ST8SIA4: variants seen among roughly 807,000 people sequenced by gnomAD.
ST8SIA4 encodes ST8 alpha-N-acetyl-neuraminide alpha-2,8-sialyltransferase 4, also known as CMP-N-acetylneuraminate-poly-alpha-2,8-sialyltransferase.
A neutral mutation model predicts 33.9 loss-of-function variants in ST8SIA4; 15 were observed. The observed-to-expected ratio is 0.44, with a 90% CI of 0.30 to 0.68. The LOEUF (loss-of-function observed/expected upper bound fraction) is 0.68, where lower values mean the gene tolerates loss of function less well. Among genes scored for constraint, ST8SIA4 ranks in the 30% least tolerant of loss-of-function variants. The pLI, the probability that ST8SIA4 is intolerant of heterozygous loss-of-function variation, is 0.10. For synonymous variants in ST8SIA4, 171 were observed against 151.2 expected (o/e 1.13, Z -0.96); for missense variants, 321 against 428.0 (o/e 0.75, Z 2.21).
At position 100,886,471 on chromosome 5, in the gene ST8SIA4, A is replaced by T. The variant is rs765331312; in HGVS notation, c.375T>A (p.His125Gln). ...TTGGTGAAACTTCAGGTAGGAGGCT[A>T]TGTAGATCATGAGAAATGTTTAGTG... is the stretch of plus-strand genomic sequence containing the variant. ...RRTLNISHDL[H>Q]SLLPEVSPMK... The change falls in exon 3 of 5, where the codon CAT becomes CAA. Residue 125 changes from histidine to glutamine, a missense_variant. Coordinates refer to ENST00000231461, the MANE Select transcript of ST8SIA4 (RefSeq NM_005668.6). 6.2e-7 allele frequency: 1 copy of T among 1,613,956 alleles called. No homozygotes were observed. The highest frequency in any genetic ancestry group is 8.5e-7 in the Non-Finnish European group (1 of 1,179,844).
chr5:100,902,152 C>G (rs1364748298), intron 1 of ST8SIA4, among the ~76,000 whole-genome samples: 1 of 152,134 alleles, frequency 6.6e-6, no homozygotes, highest in East Asian at 1.9e-4. Context: ...ATTTAGAGAA[C>G]TTAGTGGGGC....
At chr5:100,900,704 G>A (rs959232636) in intron 1 of ST8SIA4, among the ~76,000 whole-genome samples, 2 of 138,398 alleles carry the variant, frequency 1.4e-5, no homozygotes, top group Admixed American at 1.8e-4. Flanking sequence ...GTAATTGCGG[G>A]TTTTGATTAA....
At chr5:100,833,168 T>C (rs1751295738) in intron 4 of ST8SIA4, among the ~76,000 whole-genome samples, 11 of 152,142 alleles carry the variant, frequency 7.2e-5, no homozygotes, top group Admixed American at 7.2e-4. Flanking sequence ...AATTGTGAAC[T>C]CTTTCAGGGA....
At chr5:100,865,990 A>G (rs893404451) in intron 3 of ST8SIA4, among the ~76,000 whole-genome samples, 6 of 152,172 alleles carry the variant, frequency 3.9e-5, no homozygotes, top group African/African-American at 1.2e-4. Flanking sequence ...AGTGTTCTGG[A>G]ATGTCAGTCT....
At position 100,892,742 on chromosome 5, in the gene ST8SIA4, G is replaced by T. The variant is rs116178457; in HGVS notation, c.245+2912C>A. Among the ~76,000 whole-genome samples the T allele has an allele frequency of 2.6e-3, 400 of 152,088 alleles. 1 individual carries two copies. The highest frequency in any genetic ancestry group is 5.0e-3 in the Non-Finnish European group (338 of 67,956). ...AATCAGTAAGATAAAAAAATGGTTG[G>T]AAATAATGTCTTAATGTTCTCAATC... is the stretch of plus-strand genomic sequence containing the variant. On this transcript the variant is annotated intron_variant, in intron 2 of 4. Coordinates refer to ENST00000231461, the MANE Select transcript of ST8SIA4 (RefSeq NM_005668.6).
intron 1 of ST8SIA4, among the ~76,000 whole-genome samples, chr5:100,896,885 C>A (rs1752790742): frequency 6.6e-6 from 1 of 152,054 alleles, no homozygotes; most frequent in South Asian, 2.1e-4. Context: ...TGTTTTGAAG[C>A]AAGAATAACT....
At chr5:100,865,345 C>CA (rs1274934194) in intron 3 of ST8SIA4, among the ~76,000 whole-genome samples, 2 of 151,840 alleles carry the variant, frequency 1.3e-5, no homozygotes, top group Non-Finnish European at 2.9e-5. Flanking sequence ...TTTAAAAAGG[C>CA]AAAAAAATAG....
At chr5:100,817,083 C>T (rs1434253113) in intron 4 of ST8SIA4, among the ~76,000 whole-genome samples, 1 of 143,340 alleles carries the variant, frequency 7.0e-6, no homozygotes, top group Non-Finnish European at 1.5e-5. Flanking sequence ...GCTGGGATTA[C>T]AGGCGCCCAC....
chr5:100,887,350 G>C (rs1270684683), intron 2 of ST8SIA4, among the ~76,000 whole-genome samples: 1 of 152,020 alleles, frequency 6.6e-6, no homozygotes, highest in African/African-American at 2.4e-5. Context: ...TGCTCAGCTA[G>C]AATATTTGCA....
At chr5:100,895,614 C>T (rs1439057975) in intron 2 of ST8SIA4, 40 bp downstream of exon 2, 1 of 1,585,326 alleles carries the variant, frequency 6.3e-7, no homozygotes, top group Non-Finnish European at 8.6e-7. Context: ...TATTTGAGAA[C>T]ATGATGTGAA....
At chr5:100,858,082 C>T (rs1488907443) in intron 3 of ST8SIA4, among the ~76,000 whole-genome samples, 2 of 151,946 alleles carry the variant, frequency 1.3e-5, no homozygotes, top group African/African-American at 4.8e-5. Context: ...AAAGTGAACA[C>T]CTTCTTGTGG....
rs188353589 is a variant in ST8SIA4 at position 100,853,794 on chromosome 5, A to G, written c.797+2309T>C. The stretch of plus-strand genomic sequence containing the variant: ...TTACTGAAAATGCACTACTGCAGTC[A>G]CTCCTCTTATTTCATGCTTTGGTTT... On this transcript the variant is annotated intron_variant, in intron 4 of 4. Transcript: ENST00000231461. 1.9e-3 allele frequency among the ~76,000 whole-genome samples: 284 copies of G among 152,236 alleles called. 1 individual carries two copies. Among genetic ancestry groups the G allele is most frequent in the Middle Eastern group, 6.8e-3 (2 of 294 alleles).
intron 3 of ST8SIA4, among the ~76,000 whole-genome samples, chr5:100,883,498 CT>C (rs1321548083): frequency 2.0e-5 from 3 of 152,106 alleles, no homozygotes; most frequent in Non-Finnish European, 4.4e-5. Flanking sequence ...TGAGTCAAGA[CT>C]TTGGGGGACT....
chr5:100,839,058 C>T (rs1751420444), intron 4 of ST8SIA4, among the ~76,000 whole-genome samples: 2 of 151,772 alleles, frequency 1.3e-5, no homozygotes, highest in South Asian at 4.1e-4. Context: ...AAACTCCTGG[C>T]CTCAAGCAAT....
chr5:100,857,045 C>G (rs992729627), intron 3 of ST8SIA4, among the ~76,000 whole-genome samples: 1 of 152,074 alleles, frequency 6.6e-6, no homozygotes, highest in Non-Finnish European at 1.5e-5. Context: ...AAAGCTCTTA[C>G]TATAAGATCA....
chr5:100,869,055 G>A (rs778820229), intron 3 of ST8SIA4, among the ~76,000 whole-genome samples: 2 of 152,004 alleles, frequency 1.3e-5, no homozygotes, highest in Non-Finnish European at 2.9e-5. Context: ...TTTGGACACC[G>A]TTAGTGTATC....
At chr5:100,874,510 T>A (rs1045415480) in intron 3 of ST8SIA4, among the ~76,000 whole-genome samples, 37 of 152,096 alleles carry the variant, frequency 2.4e-4, no homozygotes, top group Admixed American at 2.0e-3. Context: ...TCTCTGTGCC[T>A]TTTCCTCTCT....
At chr5:100,857,684 A>G (rs1387892741) in intron 3 of ST8SIA4, among the ~76,000 whole-genome samples, 2 of 152,046 alleles carry the variant, frequency 1.3e-5, no homozygotes, top group African/African-American at 4.8e-5. Flanking sequence ...TTAATTAAAA[A>G]GTAAAGTATG....
In ST8SIA4 at chr5:100,886,530, C is replaced by A; in HGVS notation, c.316G>T (p.Asp106Tyr). The change falls in exon 3 of 5, where the codon GAT becomes TAT. Residue 106 changes from aspartate (D) to tyrosine (Y), a missense_variant. Asp to Tyr is a radical substitution (Grantham distance 160). Transcript: ENST00000231461. ...CTGTCAAGCACATAGTGTATGACAT[C>A]ACCAGGCTTAAAACTGCTCTTGACC... ...SVVKSSFKPGDVIHYVLDRRR... is the reference protein window; with the variant it reads ...SVVKSSFKPGYVIHYVLDRRR... 2 of 1,613,868 alleles carry A rather than the reference C, an allele frequency of 1.2e-6. No homozygotes were observed. Among genetic ancestry groups the A allele is most frequent in the Non-Finnish European group, 1.7e-6 (2 of 1,179,774 alleles).
Sources: allele counts gnomAD v4.1 joint callset (sites outside exome capture counted in the v4.1 genomes callset), GRCh38; gene constraint gnomAD v4.1.1; transcripts MANE v1.5; gene names NCBI Gene and HGNC (gene_info 2026-07-23, HGNC 2026-07-21).